The following CAPZA2 variants were observed in gnomAD, a reference collection of about 807,000 sequenced individuals.
CAPZA2 encodes the protein F-actin-capping protein subunit alpha-2.
A neutral mutation model predicts 44.0 loss-of-function variants in CAPZA2; 13 were observed. The observed-to-expected ratio is 0.30, with a 90% CI of 0.19 to 0.47. The LOEUF (loss-of-function observed/expected upper bound fraction) is 0.47, where lower values mean the gene tolerates loss of function less well. Ranked by LOEUF, CAPZA2 falls within the 20% of genes least tolerant of loss-of-function variation. CAPZA2 has a pLI of 1.00. For synonymous variants in CAPZA2, 94 were observed against 108.2 expected (o/e 0.87, Z 0.81); for missense variants, 244 against 338.6 (o/e 0.72, Z 2.19).
intron 6 of CAPZA2, among the ~76,000 whole-genome samples, chr7:116,908,882 A>G (rs1791550099): frequency 6.6e-6 from 1 of 152,206 alleles, no homozygotes; most frequent in South Asian, 2.1e-4. Flanking sequence ...ATTTTGTAGA[A>G]CATATACATT....
At chr7:116,890,575 T>A (rs1249430417) in intron 2 of CAPZA2, among the ~76,000 whole-genome samples, 520 of 21,634 alleles carry the variant, frequency 0.024, 47 homozygotes, top group South Asian at 0.033. Context: ...TATACACATA[T>A]ATATATATAT....
chr7:116,895,304 A>G (rs1002809078), intron 3 of CAPZA2, among the ~76,000 whole-genome samples: 3 of 152,090 alleles, frequency 2.0e-5, no homozygotes, highest in Admixed American at 6.5e-5. Context: ...ATAGTTATAC[A>G]TTTGACTCAA....
intron 9 of CAPZA2, among the ~76,000 whole-genome samples, chr7:116,916,852 G>T (rs1324423885): frequency 6.6e-6 from 1 of 152,200 alleles, no homozygotes; most frequent in Non-Finnish European, 1.5e-5. Flanking sequence ...TGCTCAAAAT[G>T]TTTCAAGCTT....
At chr7:116,898,119 GGTCAC>G (rs1796950925) in intron 3 of CAPZA2, among the ~76,000 whole-genome samples, 1 of 151,936 alleles carries the variant, frequency 6.6e-6, no homozygotes, top group South Asian at 2.1e-4. Context: ...TTGCTCATAC[GGTCAC>G]TCTGCTCTTT....
At chr7:116,881,999 A>G in intron 1 of CAPZA2, among the ~76,000 whole-genome samples, 1 of 152,186 alleles carries the variant, frequency 6.6e-6, no homozygotes, top group Non-Finnish European at 1.5e-5. Context: ...AATTTTTGGC[A>G]GGAGTGTCAC....
At chr7:116,900,291 T>A (rs1472465203) in intron 4 of CAPZA2, among the ~76,000 whole-genome samples, 2 of 151,572 alleles carry the variant, frequency 1.3e-5, no homozygotes, top group Non-Finnish European at 2.9e-5. Flanking sequence ...AATGGAGATG[T>A]AGCAAATAAG....
intron 6 of CAPZA2, among the ~76,000 whole-genome samples, chr7:116,909,157 A>G (rs540655256): frequency 2.0e-5 from 3 of 152,208 alleles, no homozygotes; most frequent in East Asian, 1.9e-4. Context: ...GGAAGACTCA[A>G]CTTGTACTAT....
intron 1 of CAPZA2, among the ~76,000 whole-genome samples, chr7:116,869,861 GT>G (rs200288152): frequency 2.0e-5 from 3 of 150,896 alleles, no homozygotes; most frequent in South Asian, 2.1e-4. Flanking sequence ...TTGCACACTT[GT>G]TTTTTTTGTT....
chr7:116,864,995 A>G lies in CAPZA2; in HGVS notation c.39+2345A>G, dbSNP rs1354704109. On this transcript the variant is annotated intron_variant, in intron 1 of 9. Coordinates refer to ENST00000361183, the MANE Select transcript of CAPZA2 (RefSeq NM_006136.3). ...ACCATACTTTATATATGCTTGGCTCAGTTAGATACATTCATTACTTAATTT... is the reference window on the plus strand; with the variant it reads ...ACCATACTTTATATATGCTTGGCTCGGTTAGATACATTCATTACTTAATTT... 4.6e-5 allele frequency among the ~76,000 whole-genome samples: 7 copies of G among 152,248 alleles called. No individual in the cohort carries two copies. The East Asian group carries it at 1.3e-3, about 29-fold the overall frequency.
chr7:116,890,593 T>C (rs1369998114), intron 2 of CAPZA2, among the ~76,000 whole-genome samples: 5 of 44,516 alleles, frequency 1.1e-4, no homozygotes, highest in Non-Finnish European at 7.0e-5. Flanking sequence ...TATATATATA[T>C]ATATACACAC....
At chr7:116,879,202 T>C (rs1346353900) in intron 1 of CAPZA2, among the ~76,000 whole-genome samples, 1 of 151,810 alleles carries the variant, frequency 6.6e-6, no homozygotes, top group Non-Finnish European at 1.5e-5. Flanking sequence ...TCTACTGCTA[T>C]TGCTGCTAAT....
chr7:116,910,374 T>C (rs1294917065), intron 7 of CAPZA2, 63 bp downstream of exon 7: 1 of 818,256 alleles, frequency 1.2e-6, no homozygotes. Context: ...AACTAATTCC[T>C]AAGTTTACAT....
intron 3 of CAPZA2, among the ~76,000 whole-genome samples, chr7:116,894,803 T>C (rs1357856397): frequency 1.3e-5 from 2 of 152,214 alleles, no homozygotes; most frequent in Non-Finnish European, 2.9e-5. Flanking sequence ...CTTCAAAGTT[T>C]ATCCATATTG....
intron 3 of CAPZA2, among the ~76,000 whole-genome samples, chr7:116,896,602 G>A (rs1283227753): frequency 1.3e-4 from 20 of 152,112 alleles, no homozygotes; most frequent in Admixed American, 1.3e-3. Context: ...TTAGGGAAGA[G>A]CATGGAGAAA....
At chr7:116,881,955 T>C (rs1176027563) in intron 1 of CAPZA2, among the ~76,000 whole-genome samples, 1 of 152,128 alleles carries the variant, frequency 6.6e-6, no homozygotes, top group Non-Finnish European at 1.5e-5. Flanking sequence ...CCCTCAAGTT[T>C]AGTTTGTTTC....
chr7:116,917,105 CCTT>C (rs2115990483), intron 9 of CAPZA2, among the ~76,000 whole-genome samples: 1 of 152,196 alleles, frequency 6.6e-6, no homozygotes, highest in South Asian at 2.1e-4. Context: ...AGTTTCTACT[CCTT>C]AAAAATAATA....
At chr7:116,903,404 T>C (rs969685676) in intron 4 of CAPZA2, among the ~76,000 whole-genome samples, 1 of 152,154 alleles carries the variant, frequency 6.6e-6, no homozygotes, top group Admixed American at 6.5e-5. Flanking sequence ...GACATGTGTA[T>C]ATCTTTATCT....
At chr7:116,865,177 CTTTT>C (rs1011886318) in intron 1 of CAPZA2, among the ~76,000 whole-genome samples, 9 of 87,986 alleles carry the variant, frequency 1.0e-4, no homozygotes, top group Non-Finnish European at 2.0e-4. Flanking sequence ...GCGCTCTCTT[CTTTT>C]TTTTTTTTTT....
chr7:116,911,093 A>G (rs977771662), intron 7 of CAPZA2, among the ~76,000 whole-genome samples: 2 of 151,466 alleles, frequency 1.3e-5, no homozygotes, highest in Non-Finnish European at 2.9e-5. Flanking sequence ...GATGAATGGT[A>G]GTCATTATTG....
Sources: allele counts gnomAD v4.1 joint callset (sites outside exome capture counted in the v4.1 genomes callset), GRCh38; gene constraint gnomAD v4.1.1; transcripts MANE v1.5; gene names NCBI Gene and HGNC (gene_info 2026-07-23, HGNC 2026-07-21).